The following SPON1 variants were observed in gnomAD, a reference collection of about 807,000 sequenced individuals.
SPON1 encodes spondin-1.
Under a neutral mutation model 111.7 loss-of-function variants are expected in SPON1, and 52 were observed. The ratio of observed to expected loss-of-function variants is 0.47; its 90% CI spans 0.37 to 0.59. The LOEUF (loss-of-function observed/expected upper bound fraction) is 0.59. Ranked by LOEUF, SPON1 falls within the 20% of genes least tolerant of loss-of-function variation. SPON1 has a pLI of 0.00. For missense variants in SPON1, 957 were observed against 1,068.5 expected, an observed-to-expected ratio of 0.90 and a Z score of 1.46; for synonymous variants, 410 against 395.8, an observed-to-expected ratio of 1.04 and a Z score of -0.43.
rs1181335588 is a variant in SPON1 at position 14,051,548 on chromosome 11, AAGAG to A, written c.479+9898_479+9901del. ...GAGAGCCTGTCTCAAAAAAAAAAAA[AAGAG>A]AGACAGGGCTTCCTTCCTCTCTCTG... On this transcript the variant is annotated intron_variant, in intron 3 of 15. Coordinates refer to ENST00000576479, the MANE Select transcript of SPON1 (RefSeq NM_006108.4). 1.5e-3 allele frequency among the ~76,000 whole-genome samples: 225 copies of A among 151,790 alleles called. 1 individual carries two copies. The highest frequency in any genetic ancestry group is 5.1e-3 in the African/African-American group (210 of 41,354).
intron 6 of SPON1, among the ~76,000 whole-genome samples, chr11:14,179,869 C>T (rs1848219065): frequency 4.6e-5 from 7 of 151,050 alleles, no homozygotes. Context: ...TCTGTCCTTT[C>T]CTCCTTCCCC....
chr11:14,153,475 A>G (rs1847810009), intron 6 of SPON1, among the ~76,000 whole-genome samples: 1 of 152,110 alleles, frequency 6.6e-6, no homozygotes, highest in Non-Finnish European at 1.5e-5. Flanking sequence ...CTTTTAAACA[A>G]CCAAATCTCT....
chr11:14,060,615 C>A (rs1412982546), intron 3 of SPON1, among the ~76,000 whole-genome samples: 2 of 152,184 alleles, frequency 1.3e-5, no homozygotes, highest in African/African-American at 2.4e-5. Context: ...ACTTACCTGT[C>A]CTTTGGCCCC....
At chr11:14,041,080 A>G (rs1323773749) in intron 2 of SPON1, among the ~76,000 whole-genome samples, 4 of 152,210 alleles carry the variant, frequency 2.6e-5, no homozygotes, top group African/African-American at 7.2e-5. Flanking sequence ...GGGATACTTT[A>G]TATACTTTGC....
At chr11:14,142,255 A>G (rs1183991631) in intron 6 of SPON1, among the ~76,000 whole-genome samples, 1 of 152,198 alleles carries the variant, frequency 6.6e-6, no homozygotes, top group Non-Finnish European at 1.5e-5. Flanking sequence ...TTTCCTTATC[A>G]GTAAAATGAG....
At chr11:14,089,135 T>C (rs2133836973) in intron 5 of SPON1, among the ~76,000 whole-genome samples, 1 of 152,248 alleles carries the variant, frequency 6.6e-6, no homozygotes, top group South Asian at 2.1e-4. Context: ...TTCTGTCAAT[T>C]TGTCAAACTC....
intron 6 of SPON1, among the ~76,000 whole-genome samples, chr11:14,155,643 C>G (rs1354687462): frequency 8.0e-5 from 12 of 150,932 alleles, no homozygotes; most frequent in African/African-American, 2.9e-4. Flanking sequence ...AAAGCTATCC[C>G]TCCCCACTCC....
chr11:14,095,404 CTAGATAGATAGATAGATAGATAGA>C (rs3047371), intron 5 of SPON1, among the ~76,000 whole-genome samples: 4 of 148,208 alleles, frequency 2.7e-5, no homozygotes, highest in Non-Finnish European at 6.0e-5. Context: ...AAATGAGAGA[CTAGATAGATAGATAGATAGATAGA>C]TAGATAGATA....
chr11:14,106,885 T>C (rs1849188910), intron 5 of SPON1, among the ~76,000 whole-genome samples: 1 of 152,116 alleles, frequency 6.6e-6, no homozygotes, highest in Admixed American at 6.5e-5. Context: ...AGTCTGTGCA[T>C]ATTCATATGG....
At chr11:13,996,732 CACCT>C (rs1554911837) in intron 2 of SPON1, among the ~76,000 whole-genome samples, 2 of 148,094 alleles carry the variant, frequency 1.4e-5, no homozygotes, top group African/African-American at 2.6e-5. Flanking sequence ...TATACACACA[CACCT>C]ATATATATAA....
At chr11:14,186,652 T>A (rs782025624) in intron 6 of SPON1, among the ~76,000 whole-genome samples, 7 of 152,234 alleles carry the variant, frequency 4.6e-5, no homozygotes, top group African/African-American at 7.2e-5. Context: ...GTACCCACCC[T>A]TTGCCATCCT....
chr11:14,041,556 T>A lies in SPON1; in HGVS notation c.381T>A (p.Asn127Lys). Residue 127 changes from asparagine to lysine, a missense_variant, in exon 3 of 16, where the codon AAT (asparagine) becomes AAA (lysine). Transcript: ENST00000576479. ...AAGAAGAAACTCAGTTTATGAGCAA[T>A]TGCCCTGTTGCAGTCACTGAAAGCA... is the stretch of plus-strand genomic sequence containing the variant. ...IDEEETQFMS[N>K]CPVAVTESTP... 1 of 1,613,946 alleles carries A rather than the reference T, an allele frequency of 6.2e-7. No individual in the cohort carries two copies. Among genetic ancestry groups the A allele is most frequent in the Non-Finnish European group, 8.5e-7 (1 of 1,179,856 alleles).
At chr11:13,985,131 G>A (rs781803887) in intron 2 of SPON1, among the ~76,000 whole-genome samples, 3 of 152,218 alleles carry the variant, frequency 2.0e-5, no homozygotes, top group Non-Finnish European at 4.4e-5. Context: ...AGCCTTCAGG[G>A]TGAATCTGAT....
In SPON1 at chr11:13,963,050, G is replaced by A. The variant is rs1554907676; in HGVS notation, c.146G>A (p.Arg49His). 26 of 1,580,560 alleles carry A rather than the reference G, an allele frequency of 1.6e-5. No homozygotes were observed. The highest frequency in any genetic ancestry group is 2.2e-5 in the Non-Finnish European group (26 of 1,164,824). ...GAGGGCTACTGCAGCCGTATCCTGC[G>A]CGCCCAGGGCACGCGGCGCGAGGGC... is the stretch of plus-strand genomic sequence containing the variant. ...KSEGYCSRIL[R>H]AQGTRREGYT... Residue 49 changes from arginine (R) to histidine (H), a missense_variant, in exon 1 of 16, where the codon CGC becomes CAC. By Grantham distance (29) the Arg-to-His change is conservative (BLOSUM62 0). This residue lies in a region of SPON1 where 262 missense variants were observed against 253.9 expected (regional missense o/e 1.03). Transcript: ENST00000576479.
intron 2 of SPON1, among the ~76,000 whole-genome samples, chr11:14,006,903 C>A (rs896658586): frequency 9.9e-5 from 15 of 152,214 alleles, no homozygotes; most frequent in African/African-American, 3.4e-4. Flanking sequence ...CTTAAAACAA[C>A]AGAAATTTAA....
intron 5 of SPON1, among the ~76,000 whole-genome samples, chr11:14,091,366 C>T (rs891017489): frequency 1.5e-4 from 23 of 152,214 alleles, no homozygotes; most frequent in Admixed American, 5.2e-4. Flanking sequence ...GACTGGGCGC[C>T]GTGGAGCAGG....
At chr11:14,119,740 C>T (rs545593083) in intron 5 of SPON1, among the ~76,000 whole-genome samples, 6 of 152,166 alleles carry the variant, frequency 3.9e-5, no homozygotes, top group African/African-American at 1.4e-4. Flanking sequence ...TTGTGAGAGT[C>T]CCCCGTCGTC....
At chr11:14,131,050 C>G (rs1467704622) in intron 5 of SPON1, among the ~76,000 whole-genome samples, 1 of 152,162 alleles carries the variant, frequency 6.6e-6, no homozygotes, top group Non-Finnish European at 1.5e-5. Context: ...GCAGGAGGAA[C>G]TTTTGATCAT....
intron 6 of SPON1, among the ~76,000 whole-genome samples, chr11:14,145,742 A>G (rs1847709753): frequency 6.6e-6 from 1 of 152,188 alleles, no homozygotes; most frequent in Non-Finnish European, 1.5e-5. Flanking sequence ...AATATTCATT[A>G]TAGTATTTTA....
Sources: allele counts gnomAD v4.1 joint callset (sites outside exome capture counted in the v4.1 genomes callset), GRCh38; gene constraint gnomAD v4.1.1; regional missense constraint gnomAD v4.1.1; transcripts MANE v1.5; gene names NCBI Gene and HGNC (gene_info 2026-07-23, HGNC 2026-07-21).